Variants in BCR observed in about 807,000 individuals in gnomAD.
BCR encodes the protein breakpoint cluster region protein.
BCR carries 58 observed loss-of-function variants against 138.6 expected under a neutral mutation model. The observed-to-expected ratio is 0.42, with a 90% confidence interval of 0.34 to 0.52. The LOEUF (loss-of-function observed/expected upper bound fraction) is 0.52. BCR is among the 20% of genes least tolerant of loss of function. BCR has a pLI of 0.06. For missense variants in BCR, 1,599 were observed against 1,727.2 expected, an observed-to-expected ratio of 0.93 and a Z score of 1.32; for synonymous variants, 786 against 730.1, an observed-to-expected ratio of 1.08 and a Z score of -1.23.
At chr22:23,273,608 A>G (rs372356797) in intron 7 of BCR, 26 bp from the exon 8 acceptor site, 67 of 1,612,456 alleles carry the variant, frequency 4.2e-5, no homozygotes, top group Non-Finnish European at 5.2e-5. Flanking sequence ...CTCTGTGTCT[A>G]ACTCAAGTCT....
Position 23,268,397 on chromosome 22 carries a change from C to G in BCR, c.1753-11C>G, listed in dbSNP as rs1568964489. The G allele has an allele frequency of 6.2e-7, 1 of 1,602,244 alleles. No individual in the cohort carries two copies. The highest frequency in any genetic ancestry group is 2.2e-5 in the East Asian group (1 of 44,550). ...CACCTGTCCCACTCTCTCTTCCTTC[C>G]TCCCCCTCAGGCCAGCCAGCTGGGT... On this transcript the variant is annotated splice_polypyrimidine_tract_variant and intron_variant, in intron 4 of 22. Transcript: ENST00000305877.
In BCR at chr22:23,215,594, T is replaced by C. The variant is rs368587195; in HGVS notation, c.1279+33355T>C. 2.6e-5 allele frequency among the ~76,000 whole-genome samples: 4 copies of C among 152,334 alleles called. No homozygotes were observed. The East Asian group carries it at 7.7e-4, about 29-fold the overall frequency. On this transcript the variant is annotated intron_variant, in intron 1 of 22. Coordinates refer to ENST00000305877, the MANE Select transcript of BCR (RefSeq NM_004327.4). ...AGCCTCAGATATGGTTCAGGGAAGA[T>C]GGGAAGTGTTACAGTGTAATTCCAT...
chr22:23,218,112 A>G (rs148998935), intron 1 of BCR, among the ~76,000 whole-genome samples: 2 of 152,258 alleles, frequency 1.3e-5, no homozygotes, highest in East Asian at 1.9e-4. Flanking sequence ...TGTTCTCTTC[A>G]TTCTGGACCC....
chr22:23,283,429 C>G (rs1302532161), intron 8 of BCR: 1 of 152,754 alleles, frequency 6.5e-6, no homozygotes, highest in Admixed American at 6.5e-5. Context: ...TGCACTGGGC[C>G]TGTCTCCACC....
chr22:23,250,255 T>G (rs2267020), intron 1 of BCR, among the ~76,000 whole-genome samples: 81,220 of 152,140 alleles, frequency 0.53, 22,346 homozygotes, highest in African/African-American at 0.67. Context: ...AGTCATGGGC[T>G]CGGAAAGCAC....
Position 23,275,471 on chromosome 22 carries a change from C to T in BCR, c.2115+1697C>T, listed in dbSNP as rs995364099. ...TGTTGGCTCCTTGGCAGTCTCTGAG[C>T]GCATTGAAGGCGGAAGTGGGTCCCC... On this transcript the variant is annotated intron_variant, in intron 8 of 22. Transcript: ENST00000305877. 3.9e-5 allele frequency among the ~76,000 whole-genome samples: 6 copies of T among 152,324 alleles called. No homozygotes were observed. In the South Asian group the frequency reaches 6.2e-4, roughly 16 times the overall value.
At chr22:23,282,866 G>C (rs1333817949) in intron 8 of BCR, among the ~76,000 whole-genome samples, 1 of 152,202 alleles carries the variant, frequency 6.6e-6, no homozygotes, top group East Asian at 1.9e-4. Flanking sequence ...CTAAACACTT[G>C]GCCTCTCTGC....
chr22:23,217,542 G>C (rs566248578), intron 1 of BCR, among the ~76,000 whole-genome samples: 2 of 152,326 alleles, frequency 1.3e-5, no homozygotes, highest in East Asian at 3.9e-4. Context: ...GCCTGCAAGA[G>C]CTGACCATAC....
intron 16 of BCR, among the ~76,000 whole-genome samples, chr22:23,300,624 C>G (rs2073892906): frequency 6.6e-6 from 1 of 152,122 alleles, no homozygotes; most frequent in African/African-American, 2.4e-5. Flanking sequence ...GGGAGACCGC[C>G]CGAAAATGGG....
chr22:23,261,731 C>CT (rs370187627), intron 4 of BCR, 191 bp downstream of exon 4: 19,143 of 302,440 alleles, frequency 0.063, 37 homozygotes, highest in East Asian at 0.12. Flanking sequence ...CATGCCCAGC[C>CT]TTTTTTTTTT....
At chr22:23,263,442 C>G in intron 4 of BCR, 2 of 1,387,362 alleles carry the variant, frequency 1.4e-6, no homozygotes, top group Non-Finnish European at 2.1e-6. Context: ...GGGGTGCTGC[C>G]GAGAGGGGAT....
intron 1 of BCR, among the ~76,000 whole-genome samples, chr22:23,206,644 T>C (rs1602013844): frequency 6.6e-6 from 1 of 151,758 alleles, no homozygotes. Context: ...CCCTTCCACA[T>C]TGAGAGAACA....
intron 1 of BCR, among the ~76,000 whole-genome samples, chr22:23,249,836 A>G (rs1340593444): frequency 6.6e-6 from 1 of 152,186 alleles, no homozygotes; most frequent in African/African-American, 2.4e-5. Context: ...CTCATATGGA[A>G]CGTGGCAGGG....
At chr22:23,265,527 A>C (rs776875940) in intron 4 of BCR, among the ~76,000 whole-genome samples, 1 of 152,256 alleles carries the variant, frequency 6.6e-6, no homozygotes, top group Non-Finnish European at 1.5e-5. Context: ...TCAGAAAGCC[A>C]GACTCAGATG....
At chr22:23,224,922 G>A (rs952415273) in intron 1 of BCR, among the ~76,000 whole-genome samples, 2 of 151,936 alleles carry the variant, frequency 1.3e-5, no homozygotes, top group Non-Finnish European at 2.9e-5. Context: ...CCCCCTGCAG[G>A]CCCCCCGCTT....
intron 1 of BCR, among the ~76,000 whole-genome samples, chr22:23,201,834 C>T (rs111857864): frequency 1.3e-5 from 2 of 152,012 alleles, no homozygotes; most frequent in Non-Finnish European, 2.9e-5. Context: ...TCTGGGAGTC[C>T]GTGGACATTG....
In BCR at chr22:23,288,089, C is replaced by G; in HGVS notation, c.2527-8C>G. The G allele has an allele frequency of 6.2e-7, 1 of 1,613,802 alleles. No homozygotes were observed. Among genetic ancestry groups the G allele is most frequent in the Non-Finnish European group, 8.5e-7 (1 of 1,179,836 alleles). On this transcript the variant is annotated splice_region_variant and splice_polypyrimidine_tract_variant and intron_variant, in intron 11 of 22. Coordinates refer to ENST00000305877, the MANE Select transcript of BCR (RefSeq NM_004327.4). ...GATAACTGGGTGTGTTCTTCTTGCC[C>G]ACCCTAGAGTTACACGTTCCTGATC...
At chr22:23,287,348 G>A (rs1335960003) in intron 11 of BCR, 70 bp downstream of exon 11, 58 of 1,465,062 alleles carry the variant, frequency 4.0e-5, no homozygotes, top group Non-Finnish European at 4.7e-5. Flanking sequence ...CCTAATGGCA[G>A]TGCGTTTTCA....
chr22:23,202,792 G>C (rs1376714973), intron 1 of BCR, among the ~76,000 whole-genome samples: 1 of 148,974 alleles, frequency 6.7e-6, no homozygotes, highest in East Asian at 2.0e-4. Flanking sequence ...TGGGCACTTG[G>C]GTCATTTTAA....
Sources: gnomAD v4.1 joint callset for allele counts (sites outside exome capture counted in the v4.1 genomes callset) on GRCh38, gnomAD v4.1.1 for gene constraint, MANE v1.5 for transcripts, NCBI Gene and HGNC (gene_info 2026-07-23, HGNC 2026-07-21) for gene names.